The following MINDY3 variants were observed in gnomAD, a reference collection of about 807,000 sequenced individuals.
MINDY3 encodes the protein MINDY lysine 48 deubiquitinase 3, also known as ubiquitin carboxyl-terminal hydrolase MINDY-3.
A neutral mutation model predicts 69.2 loss-of-function variants in MINDY3; 38 were observed. The ratio of observed to expected loss-of-function variants is 0.55; its 90% CI spans 0.42 to 0.72. The LOEUF is 0.72. Ranked by LOEUF, MINDY3 falls within the 30% of genes least tolerant of loss-of-function variation. The pLI is 0.00. For missense variants in MINDY3, 522 were observed against 519.0 expected (o/e 1.01, Z -0.06); for synonymous variants, 192 against 180.1 (o/e 1.07, Z -0.53).
chr10:15,833,836 AC>A, intron 7 of MINDY3, 127 bp from the exon 8 acceptor site: 1 of 674,524 alleles, frequency 1.5e-6, no homozygotes, highest in Non-Finnish European at 2.6e-6. Flanking sequence ...GTTAGGGAAA[AC>A]CTTACATTTT....
At chr10:15,857,768 A>C (rs561206403) in intron 1 of MINDY3, 2 of 187,140 alleles carry the variant, frequency 1.1e-5, no homozygotes, top group South Asian at 3.6e-4. Flanking sequence ...GCCAATTAAA[A>C]ACAACTATGT....
chr10:15,849,696 T>TGGAGAGGGTGCC (rs1295605468), intron 1 of MINDY3, among the ~76,000 whole-genome samples: 17 of 152,252 alleles, frequency 1.1e-4, no homozygotes, highest in African/African-American at 4.1e-4. Flanking sequence ...GTGAGAGCAA[T>TGGAGAGGGTGCC]GGAGAGGGTG....
rs1388813830 is a variant in MINDY3 at position 15,823,131 on chromosome 10, G to A, written c.731-1405C>T. ...GCCTTAACTACAACATCTAGATGGT[G>A]TAAGGCAAGAGCTGACAGTTTAACT... On this transcript the variant is annotated intron_variant, in intron 8 of 14. Coordinates refer to ENST00000277632, the MANE Select transcript of MINDY3 (RefSeq NM_024948.4). 2.0e-5 allele frequency among the ~76,000 whole-genome samples: 3 copies of A among 152,134 alleles called. No homozygotes were observed. In the East Asian group the frequency reaches 5.8e-4, roughly 29 times the overall value.
intron 8 of MINDY3, among the ~76,000 whole-genome samples, chr10:15,826,864 T>C (rs1840116521): frequency 6.6e-6 from 1 of 152,072 alleles, no homozygotes; most frequent in Non-Finnish European, 1.5e-5. Context: ...CCCAAACTCA[T>C]ACCATTCATA....
chr10:15,831,556 C>T (rs1840457065), intron 8 of MINDY3, among the ~76,000 whole-genome samples: 1 of 151,638 alleles, frequency 6.6e-6, no homozygotes, highest in Non-Finnish European at 1.5e-5. Context: ...AGCACTATTT[C>T]AAGGAACAAA....
rs528412510 is a variant in MINDY3 at position 15,796,110 on chromosome 10, G to A, written c.945C>T (p.Tyr315=). 5.3e-5 allele frequency: 86 copies of A among 1,611,862 alleles called. 1 individual carries two copies. The South Asian group carries it at 5.5e-4, about 10-fold the overall frequency. ...GTTAAAATCTTTTACCTTCTGGGTCGTAGGTTTGAAAAACTCTTCTGGCTT... is the reference window on the plus strand; with the variant it reads ...GTTAAAATCTTTTACCTTCTGGGTCATAGGTTTGAAAAACTCTTCTGGCTT... ...SEQARRVFQT[Y]DPEDNGFIPD... The change falls in exon 11 of 15, where the codon TAC becomes TAT. Residue 315 remains tyrosine, a synonymous_variant. Coordinates refer to ENST00000277632, the MANE Select transcript of MINDY3 (RefSeq NM_024948.4).
chr10:15,851,505 ATACACCTGC>A (rs1834295198), intron 1 of MINDY3, among the ~76,000 whole-genome samples: 2 of 151,720 alleles, frequency 1.3e-5, no homozygotes, highest in Admixed American at 6.6e-5. Context: ...CTTCTGCTTG[ATACACCTGC>A]TAACCATTTC....
At chr10:15,860,094 G>A in intron 1 of MINDY3, 112 bp downstream of exon 1, 1 of 777,828 alleles carries the variant, frequency 1.3e-6, no homozygotes, top group Non-Finnish European at 2.2e-6. Flanking sequence ...TGAGCACGGC[G>A]ACTGGGGCAG....
intron 10 of MINDY3, among the ~76,000 whole-genome samples, chr10:15,807,587 T>C (rs1277139951): frequency 1.3e-5 from 2 of 152,110 alleles, no homozygotes; most frequent in East Asian, 3.9e-4. Flanking sequence ...TCTGAACAGA[T>C]AGCTAGGGGT....
chr10:15,833,876 G>GT (rs1271803782), intron 7 of MINDY3, among the ~76,000 whole-genome samples, 167 bp from the exon 8 acceptor site: 1 of 151,924 alleles, frequency 6.6e-6, no homozygotes, highest in East Asian at 1.9e-4. Context: ...CTTGCTAAAT[G>GT]TATCACCAAA....
At chr10:15,840,878 A>G (rs1184911148) in intron 4 of MINDY3, among the ~76,000 whole-genome samples, 1 of 151,642 alleles carries the variant, frequency 6.6e-6, no homozygotes, top group East Asian at 1.9e-4. Flanking sequence ...TAACGTAAAC[A>G]GCTATTATTT....
At chr10:15,796,944 T>C (rs1263451995) in intron 10 of MINDY3, among the ~76,000 whole-genome samples, 1 of 152,112 alleles carries the variant, frequency 6.6e-6, no homozygotes, top group Non-Finnish European at 1.5e-5. Context: ...TGGTTAGCTT[T>C]TACCTATAAT....
At chr10:15,797,649 A>G (rs1188267695) in intron 10 of MINDY3, among the ~76,000 whole-genome samples, 1 of 152,148 alleles carries the variant, frequency 6.6e-6, no homozygotes, top group Non-Finnish European at 1.5e-5. Context: ...TGGCTGGGTC[A>G]AAGAAAGGTT....
chr10:15,792,900 T>TA (rs1388504304), intron 11 of MINDY3, among the ~76,000 whole-genome samples: 5 of 152,112 alleles, frequency 3.3e-5, no homozygotes, highest in African/African-American at 7.2e-5. Flanking sequence ...ACACATTTTT[T>TA]AAAAAAACAA....
chr10:15,781,187 G>T (rs1318616056), intron 14 of MINDY3, among the ~76,000 whole-genome samples: 1 of 151,604 alleles, frequency 6.6e-6, no homozygotes, highest in Non-Finnish European at 1.5e-5. Flanking sequence ...TATATCTTTG[G>T]ACCTGACAAA....
chr10:15,815,783 A>T (rs1170842781), intron 10 of MINDY3, among the ~76,000 whole-genome samples: 6 of 152,180 alleles, frequency 3.9e-5, no homozygotes, highest in Non-Finnish European at 7.3e-5. Context: ...AAAGCTAGGT[A>T]CTATTATGAA....
chr10:15,842,075 T>C (rs577822744), intron 3 of MINDY3, among the ~76,000 whole-genome samples: 27 of 151,890 alleles, frequency 1.8e-4, no homozygotes, highest in Non-Finnish European at 3.4e-4. Context: ...TCAGCACATA[T>C]GTTACCAAAG....
At chr10:15,841,173 A>G (rs944751124) in intron 4 of MINDY3, among the ~76,000 whole-genome samples, 1 of 151,442 alleles carries the variant, frequency 6.6e-6, no homozygotes, top group African/African-American at 2.4e-5. Flanking sequence ...AGAGATTATT[A>G]TCAAGCAGAA....
intron 1 of MINDY3, among the ~76,000 whole-genome samples, chr10:15,850,368 ACTGT>A (rs1282991332): frequency 6.6e-6 from 1 of 152,166 alleles, no homozygotes; most frequent in South Asian, 2.1e-4. Context: ...ATTAGGTCTG[ACTGT>A]CTGGGAGCTG....
Sources: gnomAD v4.1 joint callset for allele counts (sites outside exome capture counted in the v4.1 genomes callset) on GRCh38, gnomAD v4.1.1 for gene constraint, MANE v1.5 for transcripts, NCBI Gene and HGNC (gene_info 2026-07-23, HGNC 2026-07-21) for gene names.